ARB2A: variants seen among roughly 807,000 people sequenced by gnomAD.
ARB2A encodes the protein cotranscriptional regulator ARB2A.
chr5:94,083,513 C>T, the ARB2A span, among the ~76,000 whole-genome samples: 3 of 152,014 alleles, frequency 2.0e-5, no homozygotes, highest in Admixed American at 6.6e-5. Context: ...TCAAAGGAAA[C>T]GTCTGTAAGC....
the ARB2A span, among the ~76,000 whole-genome samples, chr5:93,986,290 C>T: frequency 8.7e-5 from 13 of 150,138 alleles, no homozygotes; most frequent in Non-Finnish European, 1.5e-4. Context: ...AGGTGGGGGG[C>T]GCCCCCGCCC....
the ARB2A span, among the ~76,000 whole-genome samples, chr5:93,689,649 G>T: frequency 1.3e-5 from 2 of 151,796 alleles, no homozygotes; most frequent in African/African-American, 4.8e-5. Context: ...AAAATTATTT[G>T]TCTAGAAACA....
the ARB2A span, among the ~76,000 whole-genome samples, chr5:93,858,982 G>C: frequency 6.6e-6 from 1 of 152,020 alleles, no homozygotes; most frequent in Non-Finnish European, 1.5e-5. Context: ...ATTAAAATGA[G>C]ACACTTCCAA....
At chr5:93,656,806 A>T in the ARB2A span, among the ~76,000 whole-genome samples, 2 of 151,584 alleles carry the variant, frequency 1.3e-5, no homozygotes, top group South Asian at 4.1e-4. Context: ...AATCATTTAT[A>T]AGTTGTTTTT....
the ARB2A span, chr5:93,621,238 T>G: frequency 1.2e-6 from 1 of 830,626 alleles, no homozygotes; most frequent in African/African-American, 3.4e-5. Flanking sequence ...GTCCCGCCCC[T>G]CCCCGCCCCT....
At chr5:93,698,394 T>C in the ARB2A span, among the ~76,000 whole-genome samples, 275 of 152,198 alleles carry the variant, frequency 1.8e-3, 7 homozygotes, top group East Asian at 0.037. Context: ...AAATCATAAA[T>C]ATAACAAATA....
chr5:94,103,264 T>C, the ARB2A span, among the ~76,000 whole-genome samples: 1 of 152,002 alleles, frequency 6.6e-6, no homozygotes, highest in Non-Finnish European at 1.5e-5. Context: ...CATACTATCT[T>C]CAACAGACCC....
chr5:93,715,728 G>A, the ARB2A span, among the ~76,000 whole-genome samples: 2 of 150,260 alleles, frequency 1.3e-5, no homozygotes, highest in African/African-American at 4.9e-5. Context: ...AATAAATTTG[G>A]CACGCAATTT....
the ARB2A span, among the ~76,000 whole-genome samples, chr5:93,694,208 G>T: frequency 1.3e-5 from 2 of 152,172 alleles, no homozygotes; most frequent in African/African-American, 2.4e-5. Flanking sequence ...GCAAGAGAAA[G>T]AAATAAAGGT....
chr5:93,769,110 T>G, the ARB2A span, among the ~76,000 whole-genome samples: 1 of 152,274 alleles, frequency 6.6e-6, no homozygotes, highest in Non-Finnish European at 1.5e-5. Context: ...CAACACATAC[T>G]TTTTTTGTAA....
chr5:93,730,445 AT>A, the ARB2A span, among the ~76,000 whole-genome samples: 3 of 152,150 alleles, frequency 2.0e-5, no homozygotes, highest in Admixed American at 6.6e-5. Context: ...CCAAAAAAAA[AT>A]GTTTGAAATG....
chr5:94,041,767 T>G, the ARB2A span, among the ~76,000 whole-genome samples: 1 of 152,200 alleles, frequency 6.6e-6, no homozygotes, highest in African/African-American at 2.4e-5. Flanking sequence ...TCAATTTACC[T>G]ACCTTGGAGC....
At chr5:93,777,607 T>C in the ARB2A span, among the ~76,000 whole-genome samples, 8 of 151,908 alleles carry the variant, frequency 5.3e-5, no homozygotes, top group Admixed American at 2.0e-4. Flanking sequence ...AAAGAAATCA[T>C]CCCATCAATC....
chr5:93,797,353 T>C, the ARB2A span, among the ~76,000 whole-genome samples: 1 of 152,164 alleles, frequency 6.6e-6, no homozygotes, highest in African/African-American at 2.4e-5. Flanking sequence ...AGAGTCTCTA[T>C]TCTATTATCA....
the ARB2A span, among the ~76,000 whole-genome samples, chr5:93,638,967 T>C: frequency 6.6e-6 from 1 of 152,080 alleles, no homozygotes; most frequent in African/African-American, 2.4e-5. Flanking sequence ...TAATTTCACT[T>C]TTTTTCTTTG....
the ARB2A span, among the ~76,000 whole-genome samples, chr5:93,948,733 G>A: frequency 5.9e-5 from 9 of 152,144 alleles, no homozygotes; most frequent in Admixed American, 5.2e-4. Flanking sequence ...CATACGGCTA[G>A]CCAGTTTTCC....
chr5:93,844,674 G>T, the ARB2A span, among the ~76,000 whole-genome samples: 1 of 152,080 alleles, frequency 6.6e-6, no homozygotes, highest in Admixed American at 6.6e-5. Flanking sequence ...GAGAGTAACA[G>T]AAGAATAAAG....
the ARB2A span, among the ~76,000 whole-genome samples, chr5:93,834,354 A>C: frequency 6.6e-6 from 1 of 152,218 alleles, no homozygotes; most frequent in Non-Finnish European, 1.5e-5. Flanking sequence ...GGGTCATTTC[A>C]AGAAGGCTAA....
chr5:93,717,007 C>G, the ARB2A span, among the ~76,000 whole-genome samples: 1 of 152,086 alleles, frequency 6.6e-6, no homozygotes, highest in East Asian at 1.9e-4. Context: ...GGATGAAGTA[C>G]TACTGTATAT....
Sources: gnomAD v4.1 joint callset for allele counts (sites outside exome capture counted in the v4.1 genomes callset) on GRCh38, gnomAD v4.1.1 for gene constraint, MANE v1.5 for transcripts, NCBI Gene and HGNC (gene_info 2026-07-23, HGNC 2026-07-21) for gene names.